Variants in FCHO2 observed in about 807,000 individuals in gnomAD.
FCHO2 encodes FCH and mu domain containing endocytic adaptor 2.
In FCHO2, 43 loss-of-function variants were observed where a neutral mutation model predicts 114.1. That is an observed-to-expected ratio of 0.38 (90% confidence interval 0.30 to 0.49). FCHO2 has a LOEUF of 0.49. FCHO2 is among the 20% of genes least tolerant of loss of function. The probability of loss-of-function intolerance (pLI) is 0.97; values close to 1 mark genes in which losing one functional copy is unlikely to be tolerated. For missense variants in FCHO2, 807 were observed against 950.4 expected, an observed-to-expected ratio of 0.85 and a Z score of 1.98; for synonymous variants, 293 against 315.2, an observed-to-expected ratio of 0.93 and a Z score of 0.75.
chr5:73,028,712 G>A (rs1756073016), intron 8 of FCHO2, among the ~76,000 whole-genome samples: 1 of 145,474 alleles, frequency 6.9e-6, no homozygotes, highest in African/African-American at 2.6e-5. Context: ...GTGCAGTGGC[G>A]CGATCTTGGC....
At chr5:73,058,799 A>G (rs1757718805) in intron 17 of FCHO2, among the ~76,000 whole-genome samples, 1 of 152,172 alleles carries the variant, frequency 6.6e-6, no homozygotes, top group Admixed American at 6.6e-5. Context: ...CTTAGTGTTT[A>G]TAGATAATTC....
intron 8 of FCHO2, among the ~76,000 whole-genome samples, chr5:73,025,792 G>GTGAT (rs1755882391): frequency 2.0e-5 from 3 of 152,164 alleles, no homozygotes; most frequent in Non-Finnish European, 4.4e-5. Context: ...AATTTTGCTT[G>GTGAT]TGATTGTGTG....
chr5:73,022,686 C>G (rs1164052625), intron 8 of FCHO2, among the ~76,000 whole-genome samples: 3 of 152,178 alleles, frequency 2.0e-5, no homozygotes, highest in South Asian at 4.1e-4. Context: ...TCAATAGAGA[C>G]TTTTTGTTTG....
chr5:73,057,950 TA>T (rs1757674248), intron 16 of FCHO2, among the ~76,000 whole-genome samples: 2 of 152,200 alleles, frequency 1.3e-5, no homozygotes, highest in Admixed American at 1.3e-4. Flanking sequence ...TATTGGCTGT[TA>T]AATCTGTTAA....
chr5:73,044,131 G>A (rs1019748413), intron 11 of FCHO2, among the ~76,000 whole-genome samples: 5 of 152,028 alleles, frequency 3.3e-5, no homozygotes, highest in Non-Finnish European at 4.4e-5. Flanking sequence ...TTTGCCTTCC[G>A]CCATGATTGT....
intron 8 of FCHO2, among the ~76,000 whole-genome samples, chr5:73,029,134 A>G (rs1406114530): frequency 1.3e-5 from 2 of 152,210 alleles, no homozygotes; most frequent in Non-Finnish European, 2.9e-5. Flanking sequence ...GTACAATTTA[A>G]GTAGATGTAG....
chr5:73,047,048 A>T (rs1383094840), intron 11 of FCHO2, among the ~76,000 whole-genome samples: 1 of 152,158 alleles, frequency 6.6e-6, no homozygotes, highest in African/African-American at 2.4e-5. Context: ...CTTTCCATTA[A>T]AATTTTTTTG....
intron 2 of FCHO2, among the ~76,000 whole-genome samples, chr5:72,977,663 T>C (rs2112631572): frequency 6.6e-6 from 1 of 152,348 alleles, no homozygotes; most frequent in African/African-American, 2.4e-5. Flanking sequence ...TTGCCATTGC[T>C]TGTGGTGTTT....
chr5:72,984,982 A>C (rs572040944), intron 2 of FCHO2, among the ~76,000 whole-genome samples: 3 of 152,190 alleles, frequency 2.0e-5, no homozygotes, highest in African/African-American at 7.2e-5. Context: ...TGAGTCTCTT[A>C]ATCTATAGCC....
Position 73,029,612 on chromosome 5 carries a change from C to T in FCHO2, c.797-5045C>T, listed in dbSNP as rs193018705. On this transcript the variant is annotated intron_variant, in intron 8 of 25. Coordinates refer to ENST00000430046, the MANE Select transcript of FCHO2 (RefSeq NM_138782.3). ...TATAAAGAAAAGATATTTAACTTGG[C>T]GCATGGTTCTACAGGCTTTATAGGA... is the stretch of plus-strand genomic sequence containing the variant. 5.8e-4 allele frequency among the ~76,000 whole-genome samples: 88 copies of T among 152,188 alleles called. 1 individual carries two copies. The highest frequency in any genetic ancestry group is 3.3e-3 in the Admixed American group (51 of 15,284).
rs770356577 is a variant in FCHO2, at chr5:73,078,192, A to G, written c.1860A>G (p.Gln620=). ...TTTATATATGTAGTGATCCATCACA[A>G]TGTGATTCCAACACAAAAGATTTTT... ...NAQLVFSDPS[Q]CDSNTKDFWM... Residue 620 remains glutamine, a synonymous_variant, in exon 22 of 26, where the codon CAA becomes CAG. Coordinates refer to ENST00000430046, the MANE Select transcript of FCHO2 (RefSeq NM_138782.3). 8 of 1,558,692 alleles carry G rather than the reference A, an allele frequency of 5.1e-6. No homozygotes were observed. In the African/African-American group the frequency reaches 8.2e-5, roughly 16 times the overall value.
At chr5:73,000,042 G>C (rs535760800) in intron 5 of FCHO2, among the ~76,000 whole-genome samples, 1 of 152,220 alleles carries the variant, frequency 6.6e-6, no homozygotes, top group Non-Finnish European at 1.5e-5. Flanking sequence ...TTCTCCCTCT[G>C]TTTTCCAGGC....
rs1170171994 is a variant in FCHO2, at chr5:72,974,649, CTT to C, written c.125+6062_125+6063del. On this transcript the variant is annotated intron_variant, in intron 2 of 25. Transcript: ENST00000430046. Reference sequence around the variant, plus strand: ...TACAGCACACTGATGGGTCTTGACTCTTTATCGAGTTTGCCAGTCTGTGTCTT... The same window carrying C: ...TACAGCACACTGATGGGTCTTGACTCTATCGAGTTTGCCAGTCTGTGTCTT... Among the ~76,000 whole-genome samples the C allele has an allele frequency of 2.0e-5, 3 of 152,018 alleles. No homozygotes were observed. The East Asian group carries it at 5.8e-4, about 29-fold the overall frequency.
intron 6 of FCHO2, among the ~76,000 whole-genome samples, chr5:73,010,297 T>C (rs145916541): frequency 6.6e-6 from 1 of 152,184 alleles, no homozygotes; most frequent in Admixed American, 6.5e-5. Context: ...ATAAAAATGA[T>C]TGAAATTGTG....
intron 12 of FCHO2, among the ~76,000 whole-genome samples, 159 bp downstream of exon 12, chr5:73,051,565 G>GT (rs199802706): frequency 0.01 from 1,550 of 150,922 alleles, 29 homozygotes; most frequent in African/African-American, 0.035. Context: ...GTTGTTTTTT[G>GT]TTTTTTTTGG....
intron 1 of FCHO2, among the ~76,000 whole-genome samples, chr5:72,959,912 T>G (rs1480513703): frequency 6.6e-6 from 1 of 152,086 alleles, no homozygotes; most frequent in Non-Finnish European, 1.5e-5. Context: ...TCCAAGTAGG[T>G]GCGACCACAG....
At chr5:73,088,002 C>T in intron 25 of FCHO2, 66 bp from the exon 26 acceptor site, 4 of 1,597,894 alleles carry the variant, frequency 2.5e-6, no homozygotes, top group Non-Finnish European at 3.4e-6. Flanking sequence ...TTGGTAACCA[C>T]AGTGGAAAAT....
intron 1 of FCHO2, among the ~76,000 whole-genome samples, chr5:72,967,911 C>G (rs372536641): frequency 6.6e-6 from 1 of 151,662 alleles, no homozygotes; most frequent in South Asian, 2.1e-4. Context: ...TGAGCCACCA[C>G]GCCTGGCCTC....
intron 6 of FCHO2, among the ~76,000 whole-genome samples, chr5:73,011,994 T>C (rs1486378333): frequency 1.3e-5 from 2 of 152,158 alleles, no homozygotes; most frequent in Non-Finnish European, 2.9e-5. Context: ...GTTTTACAGT[T>C]ATTGTTTTTT....
Sources: gnomAD v4.1 joint callset for allele counts (sites outside exome capture counted in the v4.1 genomes callset) on GRCh38, gnomAD v4.1.1 for gene constraint, MANE v1.5 for transcripts, NCBI Gene and HGNC (gene_info 2026-07-23, HGNC 2026-07-21) for gene names.